Variants in SLC9C1 observed in about 807,000 individuals in gnomAD.
SLC9C1 encodes sodium/hydrogen exchanger 10.
Under a neutral mutation model 140.9 loss-of-function variants are expected in SLC9C1, and 97 were observed. The observed-to-expected ratio is 0.69, with a 90% confidence interval of 0.58 to 0.82. SLC9C1 has a LOEUF of 0.82. Ranked by LOEUF, SLC9C1 falls within the 40% of genes least tolerant of loss-of-function variation. The probability of loss-of-function intolerance (pLI) is 0.00; values close to 1 mark genes in which losing one functional copy is unlikely to be tolerated. For missense variants in SLC9C1, 1,340 were observed against 1,389.3 expected (o/e 0.96, Z 0.56); for synonymous variants, 440 against 442.6 (o/e 0.99, Z 0.07).
intron 28 of SLC9C1, 40 bp from the exon 29 acceptor site, chr3:112,141,321 T>G: frequency 6.4e-7 from 1 of 1,563,150 alleles, no homozygotes. Flanking sequence ...CATAGAGGGC[T>G]TTTGAATCTT....
chr3:112,278,898 A>G (rs745493770), intron 3 of SLC9C1, 41 bp from the exon 4 acceptor site: 40 of 1,519,868 alleles, frequency 2.6e-5, no homozygotes, highest in Non-Finnish European at 3.3e-5. Flanking sequence ...TTTATTCATC[A>G]CTATTAGAAT....
At chr3:112,154,125 G>A (rs951802412) in intron 27 of SLC9C1, among the ~76,000 whole-genome samples, 2 of 152,112 alleles carry the variant, frequency 1.3e-5, no homozygotes, top group African/African-American at 2.4e-5. Flanking sequence ...AGTGCTAATA[G>A]AACAAATAGG....
chr3:112,264,076 AT>A, intron 9 of SLC9C1, 123 bp downstream of exon 9: 1 of 453,964 alleles, frequency 2.2e-6, no homozygotes, highest in Non-Finnish European at 3.4e-6. Context: ...TTATTTGCTG[AT>A]GATCCTTGGA....
At chr3:112,150,334 G>T (rs114962362) in intron 28 of SLC9C1, among the ~76,000 whole-genome samples, 1,525 of 152,228 alleles carry the variant, frequency 0.01, 24 homozygotes, top group African/African-American at 0.034. Flanking sequence ...TCGAGGGCTA[G>T]GGGAGAAACA....
chr3:112,169,369 A>G, intron 23 of SLC9C1, 41 bp from the exon 24 acceptor site: 1 of 1,579,658 alleles, frequency 6.3e-7, no homozygotes, highest in Non-Finnish European at 8.6e-7. Flanking sequence ...TATTTTGTGC[A>G]CTATGGTTTA....
intron 27 of SLC9C1, among the ~76,000 whole-genome samples, chr3:112,152,712 C>G (rs751316946): frequency 1.3e-5 from 2 of 152,158 alleles, no homozygotes; most frequent in Non-Finnish European, 1.5e-5. Flanking sequence ...TTCCACAGTG[C>G]ATTGTGTCCC....
intron 26 of SLC9C1, among the ~76,000 whole-genome samples, chr3:112,162,541 G>A (rs572855386): frequency 1.3e-5 from 2 of 152,296 alleles, no homozygotes; most frequent in South Asian, 4.1e-4. Flanking sequence ...TGTGGTTTTT[G>A]TCTTTGGCTC....
chr3:112,278,964 G>T, intron 3 of SLC9C1, 107 bp from the exon 4 acceptor site: 1 of 1,122,078 alleles, frequency 8.9e-7, no homozygotes, highest in Non-Finnish European at 1.3e-6. Flanking sequence ...ATTTTTAAAA[G>T]ATATATCACA....
intron 10 of SLC9C1, among the ~76,000 whole-genome samples, chr3:112,251,083 G>T (rs1305266004): frequency 6.6e-6 from 1 of 152,094 alleles, no homozygotes; most frequent in Non-Finnish European, 1.5e-5. Flanking sequence ...TTGGGAAACT[G>T]ACCAAGATGG....
rs1252368034 is a variant in SLC9C1, at chr3:112,205,628, C to CCTCACGCTACATGACTTCAAACTAT, written c.1987-1226_1987-1225insATAGTTTGAAGTCATGTAGCGTGAG. ...TAAGCCAAAAGAACAAAGCTGGAAA[C>CCTCACGCTACATGACTTCAAACTAT]AGCATGGTACTGGTACCAAAACAGA... On this transcript the variant is annotated intron_variant, in intron 16 of 28. Transcript: ENST00000305815. Among the ~76,000 whole-genome samples the CCTCACGCTACATGACTTCAAACTAT allele has an allele frequency of 3.2e-5, 2 of 62,638 alleles. 1 individual carries two copies. Among genetic ancestry groups the CCTCACGCTACATGACTTCAAACTAT allele is most frequent in the Non-Finnish European group, 7.0e-5 (2 of 28,526 alleles). The allele number at this position is 62,638 out of a possible 152,430, so 41.1% of individuals were successfully genotyped here. A position where few individuals can be genotyped will look rare whatever the true frequency, so the allele number is the denominator to read the frequency against.
intron 26 of SLC9C1, among the ~76,000 whole-genome samples, chr3:112,157,532 A>AT (rs1488609081): frequency 6.6e-6 from 1 of 151,368 alleles, no homozygotes; most frequent in African/African-American, 2.4e-5. Context: ...GGATTTTAGG[A>AT]TTTTTTTTCT....
intron 16 of SLC9C1, among the ~76,000 whole-genome samples, chr3:112,205,359 C>G (rs567153468): frequency 6.6e-6 from 1 of 151,328 alleles, no homozygotes; most frequent in Non-Finnish European, 1.5e-5. Context: ...CGTGAAGGAC[C>G]TCTTCAAGGA....
In SLC9C1 at chr3:112,217,444, T is replaced by C; in HGVS notation, c.1788A>G (p.Ser596=). 1 of 1,583,862 alleles carries C rather than the reference T, an allele frequency of 6.3e-7. No homozygotes were observed. Among genetic ancestry groups the C allele is most frequent in the Non-Finnish European group, 8.5e-7 (1 of 1,171,384 alleles). Reference sequence around the variant, plus strand: ...TTATAAGGTTCAAAAGCACTTACTTTGATGGGCCCTCTTTTTCCTTTCTGG... The same window carrying C: ...TTATAAGGTTCAAAAGCACTTACTTCGATGGGCCCTCTTTTTCCTTTCTGG... ...YNTRKEKEGP[S]KYFFFRICHT... Residue 596 remains serine (S), a splice_region_variant and synonymous_variant, in exon 15 of 29, where the codon TCA becomes TCG. Coordinates refer to ENST00000305815, the MANE Select transcript of SLC9C1 (RefSeq NM_183061.3).
rs1471279164 is a variant in SLC9C1 at position 112,155,067 on chromosome 3, AAAC to A, written c.3365-21_3365-19del. 10 of 1,595,520 alleles carry A rather than the reference AAAC, an allele frequency of 6.3e-6. No homozygotes were observed. The highest frequency in any genetic ancestry group is 7.7e-6 in the Non-Finnish European group (9 of 1,174,010). On this transcript the variant is annotated intron_variant, in intron 26 of 28. Coordinates refer to ENST00000305815, the MANE Select transcript of SLC9C1 (RefSeq NM_183061.3). ...AACTGAACCTGATTAAAAAAAAAAA[AAAC>A]AGTGTTAATTCAACCACTGAAGCAA...
intron 28 of SLC9C1, among the ~76,000 whole-genome samples, chr3:112,144,565 C>T (rs2074730169): frequency 1.3e-5 from 2 of 152,050 alleles, no homozygotes; most frequent in Admixed American, 1.3e-4. Flanking sequence ...AATATTGATT[C>T]TTCTAATCCA....
intron 1 of SLC9C1, among the ~76,000 whole-genome samples, chr3:112,289,994 G>C (rs2080630794): frequency 6.6e-6 from 1 of 152,174 alleles, no homozygotes; most frequent in Admixed American, 6.5e-5. Flanking sequence ...AACTCTAAAA[G>C]CTTTCCAGTG....
intron 19 of SLC9C1, among the ~76,000 whole-genome samples, chr3:112,199,781 T>C (rs2077861301): frequency 6.6e-6 from 1 of 152,040 alleles, no homozygotes; most frequent in Non-Finnish European, 1.5e-5. Context: ...CAGGGCTATA[T>C]GTCTGGAGTT....
chr3:112,252,027 T>C (rs780435064), intron 10 of SLC9C1, among the ~76,000 whole-genome samples: 5 of 152,196 alleles, frequency 3.3e-5, no homozygotes, highest in Non-Finnish European at 7.3e-5. Context: ...TAATATTCCA[T>C]GTAGCTCTGC....
intron 13 of SLC9C1, among the ~76,000 whole-genome samples, chr3:112,222,904 T>G (rs1001320631): frequency 6.6e-6 from 1 of 152,150 alleles, no homozygotes; most frequent in East Asian, 1.9e-4. Context: ...AATGTATCAT[T>G]ACTTGGATAA....
Sources: gnomAD v4.1 joint callset for allele counts (sites outside exome capture counted in the v4.1 genomes callset) on GRCh38, gnomAD v4.1.1 for gene constraint, MANE v1.5 for transcripts, NCBI Gene and HGNC (gene_info 2026-07-23, HGNC 2026-07-21) for gene names.